Variants in DAW1 observed in about 807,000 individuals in gnomAD.
DAW1 encodes dynein assembly factor with WD repeat domains 1.
In DAW1, 47 loss-of-function variants were observed where a neutral mutation model predicts 56.5. The ratio of observed to expected loss-of-function variants is 0.83; its 90% CI spans 0.66 to 1.06. The LOEUF is 1.06. DAW1 is among the 50% of genes least tolerant of loss of function. The pLI, the probability that DAW1 is intolerant of heterozygous loss-of-function variation, is 0.00. For synonymous variants in DAW1, 190 were observed against 179.0 expected, an observed-to-expected ratio of 1.06 and a Z score of -0.49; for missense variants, 505 against 499.3, an observed-to-expected ratio of 1.01 and a Z score of -0.11.
chr2:227,871,867 C>A, intron 1 of DAW1, 138 bp downstream of exon 1: 2 of 1,019,990 alleles, frequency 2.0e-6, no homozygotes, highest in South Asian at 1.5e-5. Context: ...CACTTCCCAA[C>A]CTGTGCCCCT....
intron 9 of DAW1, among the ~76,000 whole-genome samples, chr2:227,906,758 G>T (rs1465250166): frequency 6.6e-6 from 1 of 152,132 alleles, no homozygotes; most frequent in Non-Finnish European, 1.5e-5. Flanking sequence ...ATCTTATAAT[G>T]TACTTTCCAT....
intron 10 of DAW1, among the ~76,000 whole-genome samples, chr2:227,917,148 CTG>C (rs1691972203): frequency 1.5e-5 from 2 of 133,774 alleles, no homozygotes; most frequent in South Asian, 4.7e-4. Flanking sequence ...ATCTATCTGT[CTG>C]TCTGTCTGTC....
At position 227,905,022 on chromosome 2, in the gene DAW1, G is replaced by C; in HGVS notation, c.742G>C (p.Ala248Pro). Residue 248 changes from alanine (A) to proline (P), a missense_variant, in exon 8 of 13, where the codon GCT becomes CCT. Coordinates refer to ENST00000309931, the MANE Select transcript of DAW1 (RefSeq NM_178821.3). Reference sequence around the variant, plus strand: ...TGATCATACCGTTGTAGTGTGGGACGCTGATACTGGAAGGTAATTCTTAGT... The same window carrying C: ...TGATCATACCGTTGTAGTGTGGGACCCTGATACTGGAAGGTAATTCTTAGT... ...SFDHTVVVWD[A>P]DTGRKVNILI... The C allele has an allele frequency of 5.0e-6, 8 of 1,612,270 alleles. No homozygotes were observed. The highest frequency in any genetic ancestry group is 6.8e-6 in the Non-Finnish European group (8 of 1,178,952).
At chr2:227,890,042 A>G in intron 3 of DAW1, 42 bp downstream of exon 3, 2 of 1,463,256 alleles carry the variant, frequency 1.4e-6, no homozygotes, top group Non-Finnish European at 1.8e-6. Context: ...ATTTCAGTGA[A>G]ATGATTGATA....
intron 1 of DAW1, among the ~76,000 whole-genome samples, chr2:227,880,760 G>C (rs1472014141): frequency 6.6e-6 from 1 of 152,212 alleles, no homozygotes; most frequent in Admixed American, 6.5e-5. Flanking sequence ...GCAGCTGAGT[G>C]GGTAGTGATG....
In DAW1 at chr2:227,912,159, A is replaced by G. The variant is rs1396632674; in HGVS notation, c.973+4907A>G. On this transcript the variant is annotated intron_variant, in intron 10 of 12. Coordinates refer to ENST00000309931, the MANE Select transcript of DAW1 (RefSeq NM_178821.3). The stretch of plus-strand genomic sequence containing the variant: ...TACATTGTCTTTTCTGGAACCAAGT[A>G]TAATGTTACATTCTGCCTCATCTCC... 8.2e-6 allele frequency: 3 copies of G among 365,660 alleles called. No individual in the cohort carries two copies. The East Asian group carries it at 2.2e-4, about 27-fold the overall frequency. The allele number at this position is 365,660 out of a possible 1,614,324, so 22.7% of individuals were successfully genotyped here.
At chr2:227,903,965 T>C (rs1691617026) in intron 7 of DAW1, among the ~76,000 whole-genome samples, 1 of 149,850 alleles carries the variant, frequency 6.7e-6, no homozygotes, top group African/African-American at 2.5e-5. Context: ...AAGTATACTC[T>C]TTCTGTTCTC....
At chr2:227,902,718 G>T (rs903621417) in intron 6 of DAW1, among the ~76,000 whole-genome samples, 2 of 152,158 alleles carry the variant, frequency 1.3e-5, no homozygotes, top group African/African-American at 4.8e-5. Flanking sequence ...CTTAAAGGAG[G>T]TGGGCTTCAC....
chr2:227,881,034 A>G (rs1189430028), intron 1 of DAW1, among the ~76,000 whole-genome samples: 1 of 152,222 alleles, frequency 6.6e-6, no homozygotes, highest in African/African-American at 2.4e-5. Context: ...GACAAAGGAG[A>G]ATAAAAAATA....
chr2:227,922,702 C>G (rs1216921553), intron 12 of DAW1, among the ~76,000 whole-genome samples: 1 of 152,182 alleles, frequency 6.6e-6, no homozygotes, highest in Non-Finnish European at 1.5e-5. Flanking sequence ...AAATGCCTCC[C>G]CAGTCTACTT....
intron 10 of DAW1, among the ~76,000 whole-genome samples, chr2:227,916,822 T>C (rs1377689970): frequency 1.3e-5 from 2 of 152,180 alleles, no homozygotes; most frequent in Non-Finnish European, 2.9e-5. Flanking sequence ...TAAATCCTCA[T>C]ATGATGTACA....
chr2:227,922,888 G>A (rs930146131), intron 12 of DAW1, among the ~76,000 whole-genome samples: 4 of 152,176 alleles, frequency 2.6e-5, no homozygotes, highest in African/African-American at 9.7e-5. Context: ...GAGGTGAGGG[G>A]CTATGATGGA....
chr2:227,904,327 C>T (rs1395119704), intron 7 of DAW1, among the ~76,000 whole-genome samples: 1 of 152,116 alleles, frequency 6.6e-6, no homozygotes, highest in Non-Finnish European at 1.5e-5. Flanking sequence ...GTACTCCAAC[C>T]AGGATCCCCT....
In DAW1 at chr2:227,871,778, C is replaced by G. The variant is rs200913056; in HGVS notation, c.40+49C>G. 8.5e-5 allele frequency: 137 copies of G among 1,610,590 alleles called. No homozygotes were observed. In the East Asian group the frequency reaches 2.9e-3, roughly 34 times the overall value. ...ATCCCCACGTGGGACCCTGGGCTCC[C>G]AGACTGGGAGGGTTTGGGGCGGAGG... On this transcript the variant is annotated intron_variant, in intron 1 of 12. Transcript: ENST00000309931.
rs540738901 is a variant in DAW1 at position 227,887,536 on chromosome 2, C to T, written c.113+2113C>T. 7 of 152,300 alleles carry T rather than the reference C, an allele frequency of 4.6e-5. No individual in the cohort carries two copies. In the South Asian group the frequency reaches 1.5e-3, roughly 32 times the overall value. The allele number at this position is 152,300 out of a possible 1,614,324, so 9.4% of individuals were successfully genotyped here. ...AACTTGTACAACATAGAACATCACA[C>T]AAGTGGTACAGATAAGCTTCTATAT... On this transcript the variant is annotated intron_variant, in intron 2 of 12. Transcript: ENST00000309931.
Position 227,898,211 on chromosome 2 carries a change from A to G in DAW1, c.470A>G (p.Lys157Arg), listed in dbSNP as rs1418291440. 6.3e-7 allele frequency: 1 copy of G among 1,574,886 alleles called. No homozygotes were observed. Among genetic ancestry groups the G allele is most frequent in the East Asian group, 2.3e-5 (1 of 44,140 alleles). The change falls in exon 6 of 13, where the codon AAA (lysine) becomes AGA (arginine). Residue 157 changes from lysine (K) to arginine (R), a missense_variant. Coordinates refer to ENST00000309931, the MANE Select transcript of DAW1 (RefSeq NM_178821.3). ...AAAATCGCCACTGGGTCCTTTGATA[A>G]AACTTGTAAACTCTGGAGTGTGGAA... is the stretch of plus-strand genomic sequence containing the variant. The part of the protein sequence containing the change: ...GDKIATGSFD[K>R]TCKLWSVETG...
intron 5 of DAW1, among the ~76,000 whole-genome samples, chr2:227,897,967 A>G (rs963294644): frequency 1.3e-5 from 2 of 152,136 alleles, no homozygotes; most frequent in African/African-American, 2.4e-5. Flanking sequence ...AAATATACCT[A>G]TAACTTTAAT....
intron 1 of DAW1, among the ~76,000 whole-genome samples, chr2:227,874,468 A>T (rs1322484244): frequency 3.3e-5 from 5 of 152,158 alleles, no homozygotes; most frequent in African/African-American, 1.2e-4. Context: ...TGACATTCAC[A>T]TTGCTAATCT....
chr2:227,873,446 G>C (rs940711875), intron 1 of DAW1, among the ~76,000 whole-genome samples: 1 of 152,160 alleles, frequency 6.6e-6, no homozygotes, highest in Non-Finnish European at 1.5e-5. Context: ...TTGAATGAAT[G>C]TATGGATAAA....
Sources: gnomAD v4.1 joint callset for allele counts (sites outside exome capture counted in the v4.1 genomes callset) on GRCh38, gnomAD v4.1.1 for gene constraint, MANE v1.5 for transcripts, NCBI Gene and HGNC (gene_info 2026-07-23, HGNC 2026-07-21) for gene names.